The following LPCAT1 variants were observed in gnomAD, a reference collection of about 807,000 sequenced individuals.
LPCAT1 encodes the protein lysophosphatidylcholine acyltransferase 1, also known as 1-acylglycerol-3-phosphate O-acyltransferase.
Under a neutral mutation model 60.9 loss-of-function variants are expected in LPCAT1, and 23 were observed. That is an observed-to-expected ratio of 0.38 (90% CI 0.27 to 0.53). LPCAT1 has a LOEUF of 0.53. LPCAT1 is among the 20% of genes least tolerant of loss of function. The pLI is 0.82. For missense variants in LPCAT1, 622 were observed against 723.6 expected (o/e 0.86, Z 1.61); for synonymous variants, 340 against 301.1 (o/e 1.13, Z -1.34).
intron 11 of LPCAT1, among the ~76,000 whole-genome samples, chr5:1,471,513 C>T (rs555014767): frequency 2.9e-4 from 44 of 152,294 alleles, no homozygotes; most frequent in African/African-American, 9.6e-4. Flanking sequence ...ACAGTCTGCA[C>T]GTGGCTGCAG....
chr5:1,501,390 G>A (rs1442063035), intron 2 of LPCAT1, 71 bp downstream of exon 2: 3 of 1,526,252 alleles, frequency 2.0e-6, no homozygotes, highest in East Asian at 2.5e-5. Context: ...ACCCCACTGT[G>A]AGAATGGGTT....
intron 8 of LPCAT1, among the ~76,000 whole-genome samples, chr5:1,478,002 A>C (rs936173072): frequency 6.6e-6 from 1 of 152,276 alleles, no homozygotes; most frequent in Non-Finnish European, 1.5e-5. Flanking sequence ...TGCTGCCTAC[A>C]TCAGAACATC....
At chr5:1,504,714 C>CA (rs11463524) in intron 1 of LPCAT1, among the ~76,000 whole-genome samples, 45,112 of 101,722 alleles carry the variant, frequency 0.44, 9,521 homozygotes, top group African/African-American at 0.61. Context: ...ATCTCCGTCC[C>CA]AAAAAAAAAA....
intron 5 of LPCAT1, among the ~76,000 whole-genome samples, chr5:1,484,089 C>T (rs1328962584): frequency 2.0e-5 from 3 of 152,230 alleles, no homozygotes; most frequent in Admixed American, 2.0e-4. Context: ...GGCTCAGCTC[C>T]AAGGACGGGC....
At position 1,470,934 on chromosome 5, in the gene LPCAT1, G is replaced by C. The variant is rs746879901; in HGVS notation, c.1180-10C>G. On this transcript the variant is annotated splice_polypyrimidine_tract_variant and intron_variant, in intron 11 of 13. Transcript: ENST00000283415. Reference sequence around the variant, plus strand: ...CCTCGCCGCTGCCGCTCTGTGGGGAGAGACGCTCTCAGCCACAGCTCGGCC... The same window carrying C: ...CCTCGCCGCTGCCGCTCTGTGGGGACAGACGCTCTCAGCCACAGCTCGGCC... The C allele has an allele frequency of 6.2e-7, 1 of 1,610,424 alleles. No individual in the cohort carries two copies. The highest frequency in any genetic ancestry group is 2.2e-5 in the East Asian group (1 of 44,798).
intron 13 of LPCAT1, among the ~76,000 whole-genome samples, chr5:1,466,257 C>T (rs1734396337): frequency 6.6e-6 from 1 of 152,214 alleles, no homozygotes; most frequent in African/African-American, 2.4e-5. Context: ...TTACCAGTCA[C>T]CTCATCAGAT....
Position 1,480,311 on chromosome 5 carries a change from C to T in LPCAT1, c.761+631G>A. 1 of 984,996 alleles carries T rather than the reference C, an allele frequency of 1.0e-6. No homozygotes were observed. The highest frequency in any genetic ancestry group is 1.2e-6 in the Non-Finnish European group (1 of 829,762). The allele number at this position is 984,996 out of a possible 1,614,324, so 61.0% of individuals were successfully genotyped here. A position where few individuals can be genotyped will look rare whatever the true frequency, so the allele number is the denominator to read the frequency against. On this transcript the variant is annotated intron_variant, in intron 7 of 13. Coordinates refer to ENST00000283415, the MANE Select transcript of LPCAT1 (RefSeq NM_024830.5). This position sits in a 1 kb window ranked among gnomAD's most constrained non-coding sequence, Gnocchi z 6.4. Reference sequence around the variant, plus strand: ...GAAGCGCTGACCTCAACACCTTCACCTGAAAGCACCAGCGGACCCACATCC... The same window carrying T: ...GAAGCGCTGACCTCAACACCTTCACTTGAAAGCACCAGCGGACCCACATCC...
chr5:1,485,717 G>A (rs1465823843), intron 5 of LPCAT1, among the ~76,000 whole-genome samples: 1 of 151,388 alleles, frequency 6.6e-6, no homozygotes, highest in Non-Finnish European at 1.5e-5. Context: ...CAGGGAGGCC[G>A]CTGCGGCCCA....
chr5:1,505,649 T>C (rs1182123604), intron 1 of LPCAT1, among the ~76,000 whole-genome samples: 1 of 152,226 alleles, frequency 6.6e-6, no homozygotes, highest in Admixed American at 6.5e-5. Context: ...CACGTGACCC[T>C]CGGCTCGCGC....
intron 2 of LPCAT1, among the ~76,000 whole-genome samples, chr5:1,499,842 G>T (rs559709748): frequency 3.3e-5 from 5 of 152,252 alleles, no homozygotes; most frequent in African/African-American, 1.2e-4. Context: ...GTGGCCCTGG[G>T]TATCAAGGAG....
intron 1 of LPCAT1, among the ~76,000 whole-genome samples, chr5:1,506,453 C>A (rs568575222): frequency 6.6e-6 from 1 of 152,356 alleles, no homozygotes; most frequent in South Asian, 2.1e-4. Flanking sequence ...CCCACCCCTG[C>A]GTCCAGCCTC....
chr5:1,481,992 C>A lies in LPCAT1; in HGVS notation c.727-1016G>T, dbSNP rs192952147. 1.3e-5 allele frequency among the ~76,000 whole-genome samples: 2 copies of A among 152,222 alleles called. No individual in the cohort carries two copies. Among genetic ancestry groups the A allele is most frequent in the Non-Finnish European group, 2.9e-5 (2 of 68,036 alleles). On this transcript the variant is annotated intron_variant, in intron 6 of 13. Transcript: ENST00000283415. This position sits in a 1 kb window ranked among gnomAD's most constrained non-coding sequence, Gnocchi z 7.8. ...TTCTGCCCCACTATGTCCTGACCCA[C>A]GGGGGTTTTCTTTCAGTGCTTTCCT... is the stretch of plus-strand genomic sequence containing the variant.
rs1322144761 is a variant in LPCAT1 at position 1,489,712 on chromosome 5, A to G, written c.606+34T>C. ...CGAAGTTCGCATCTTTCGGAATAAA[A>G]CCACTGAAACACAATCAGGGCTACG... On this transcript the variant is annotated intron_variant, in intron 4 of 13. Transcript: ENST00000283415. The G allele has an allele frequency of 2.0e-6, 3 of 1,464,924 alleles. No homozygotes were observed. In the South Asian group the frequency reaches 3.4e-5, roughly 17 times the overall value. 90.7% of individuals were successfully genotyped at this position (1,464,924 alleles called of 1,614,324 possible). A position where few individuals can be genotyped will look rare whatever the true frequency, so the allele number is the denominator to read the frequency against.
intron 7 of LPCAT1, among the ~76,000 whole-genome samples, chr5:1,479,936 C>G (rs922906333): frequency 5.3e-5 from 8 of 151,832 alleles, no homozygotes; most frequent in Non-Finnish European, 8.8e-5. Flanking sequence ...CCTGCTTGTT[C>G]TCCAGCTCAG....
At chr5:1,486,666 T>G (rs1377085826) in intron 5 of LPCAT1, among the ~76,000 whole-genome samples, 1 of 151,832 alleles carries the variant, frequency 6.6e-6, no homozygotes, top group South Asian at 2.1e-4. Context: ...CCACGAGGCG[T>G]CAGGATCACG....
intron 1 of LPCAT1, among the ~76,000 whole-genome samples, 162 bp from the exon 2 acceptor site, chr5:1,501,765 C>T (rs576936455): frequency 6.6e-6 from 1 of 152,020 alleles, no homozygotes; most frequent in Non-Finnish European, 1.5e-5. Context: ...CAGCACTGAC[C>T]GAGGCTGACC....
At chr5:1,507,350 G>A (rs1736218462) in intron 1 of LPCAT1, among the ~76,000 whole-genome samples, 6 of 152,240 alleles carry the variant, frequency 3.9e-5, no homozygotes. Flanking sequence ...ATAAGTGAGG[G>A]TTTATAGCAT....
Position 1,480,827 on chromosome 5 carries a change from T to G in LPCAT1, c.761+115A>C. 1.0e-5 allele frequency: 13 copies of G among 1,270,800 alleles called. No homozygotes were observed. Among genetic ancestry groups the G allele is most frequent in the African/African-American group, 1.5e-5 (1 of 68,142 alleles). 78.7% of individuals were successfully genotyped at this position (1,270,800 alleles called of 1,614,324 possible). On this transcript the variant is annotated intron_variant, in intron 7 of 13. Coordinates refer to ENST00000283415, the MANE Select transcript of LPCAT1 (RefSeq NM_024830.5). This position sits in a 1 kb window ranked among gnomAD's most constrained non-coding sequence, Gnocchi z 6.4. ...CACAATGGGCTGAACCTAACGGCTG[T>G]CCCACACCTGCTTTCACAACTGCAA...
chr5:1,484,805 G>A (rs956251992), intron 5 of LPCAT1, among the ~76,000 whole-genome samples: 8 of 152,170 alleles, frequency 5.3e-5, no homozygotes, highest in Admixed American at 2.6e-4. Context: ...CTGGGCCCGT[G>A]TGCCGCAGCT....
Sources: allele counts gnomAD v4.1 joint callset (sites outside exome capture counted in the v4.1 genomes callset), GRCh38; gene constraint gnomAD v4.1.1; non-coding constraint Gnocchi (gnomAD v3.1); transcripts MANE v1.5; gene names NCBI Gene and HGNC (gene_info 2026-07-23, HGNC 2026-07-21).